The following ARHGAP15 variants were observed in gnomAD, a reference collection of about 807,000 sequenced individuals.
ARHGAP15 encodes the protein rho GTPase-activating protein 15.
A neutral mutation model predicts 63.7 loss-of-function variants in ARHGAP15; 51 were observed. The ratio of observed to expected loss-of-function variants is 0.80; its 90% CI spans 0.64 to 1.01. ARHGAP15 has a LOEUF of 1.01. Among genes scored for constraint, ARHGAP15 ranks in the 50% least tolerant of loss-of-function variants. The pLI is 0.00. For missense variants in ARHGAP15, 560 were observed against 564.6 expected, an observed-to-expected ratio of 0.99 and a Z score of 0.08; for synonymous variants, 191 against 193.8, an observed-to-expected ratio of 0.99 and a Z score of 0.12.
At chr2:143,174,856 A>G (rs562188279) in intron 2 of ARHGAP15, among the ~76,000 whole-genome samples, 4 of 152,282 alleles carry the variant, frequency 2.6e-5, no homozygotes, top group African/African-American at 7.2e-5. Context: ...TTATACAAAC[A>G]CAATGTATCC....
At chr2:143,759,317 C>T (rs1428663446) in intron 13 of ARHGAP15, among the ~76,000 whole-genome samples, 2 of 152,006 alleles carry the variant, frequency 1.3e-5, no homozygotes, top group South Asian at 2.1e-4. Context: ...ACCACGAAAG[C>T]ATATGGCACA....
At chr2:143,145,888 T>C (rs985681851) in intron 1 of ARHGAP15, among the ~76,000 whole-genome samples, 1 of 150,596 alleles carries the variant, frequency 6.6e-6, no homozygotes. Context: ...GTATAATATA[T>C]ATATAATATA....
intron 12 of ARHGAP15, among the ~76,000 whole-genome samples, chr2:143,703,200 T>C (rs1684168655): frequency 6.6e-6 from 1 of 152,180 alleles, no homozygotes; most frequent in Non-Finnish European, 1.5e-5. Flanking sequence ...AATCAGTTCA[T>C]ACACAGCCTC....
chr2:143,586,150 C>T (rs1697099023), intron 11 of ARHGAP15, among the ~76,000 whole-genome samples: 1 of 152,086 alleles, frequency 6.6e-6, no homozygotes, highest in African/African-American at 2.4e-5. Context: ...ACCACCACCC[C>T]CTTGGTTAGT....
chr2:143,325,802 T>A (rs914481547), intron 6 of ARHGAP15, among the ~76,000 whole-genome samples: 1 of 152,196 alleles, frequency 6.6e-6, no homozygotes, highest in Non-Finnish European at 1.5e-5. Context: ...ATTATTTAAA[T>A]ACTTGATTTC....
intron 6 of ARHGAP15, among the ~76,000 whole-genome samples, chr2:143,274,718 G>A (rs1300827492): frequency 2.6e-5 from 4 of 152,190 alleles, no homozygotes; most frequent in African/African-American, 9.6e-5. Flanking sequence ...TTGTAAGGTG[G>A]TCTTGGTCTT....
intron 6 of ARHGAP15, among the ~76,000 whole-genome samples, chr2:143,385,748 T>TA (rs1558936339): frequency 6.6e-6 from 1 of 152,106 alleles, no homozygotes; most frequent in East Asian, 1.9e-4. Context: ...GCCGTTTGTT[T>TA]GTATTAGATG....
intron 11 of ARHGAP15, among the ~76,000 whole-genome samples, chr2:143,576,128 T>C (rs926528562): frequency 1.3e-5 from 2 of 152,144 alleles, no homozygotes; most frequent in Non-Finnish European, 2.9e-5. Flanking sequence ...CTATCTCTTA[T>C]TTAACTACGT....
chr2:143,446,012 T>C (rs1220930020), intron 8 of ARHGAP15, among the ~76,000 whole-genome samples: 1 of 151,846 alleles, frequency 6.6e-6, no homozygotes, highest in East Asian at 1.9e-4. Flanking sequence ...AAAGGTTGTA[T>C]GAGATTGTGT....
chr2:143,145,878 G>A (rs539997139), intron 1 of ARHGAP15, among the ~76,000 whole-genome samples: 65 of 117,464 alleles, frequency 5.5e-4, no homozygotes, highest in African/African-American at 1.9e-3. Flanking sequence ...GTGTGTGTGT[G>A]TATAATATAT....
At chr2:143,485,469 CATTT>C (rs1435601604) in intron 8 of ARHGAP15, among the ~76,000 whole-genome samples, 2 of 152,048 alleles carry the variant, frequency 1.3e-5, no homozygotes. Flanking sequence ...GATATATAGA[CATTT>C]ATTTTTCTTT....
chr2:143,579,788 G>C (rs990652883), intron 11 of ARHGAP15, among the ~76,000 whole-genome samples: 3 of 151,868 alleles, frequency 2.0e-5, no homozygotes, highest in East Asian at 3.9e-4. Flanking sequence ...TTTTAAGTGG[G>C]CAAGAATTAA....
At chr2:143,364,516 A>G (rs1686210072) in intron 6 of ARHGAP15, among the ~76,000 whole-genome samples, 1 of 152,202 alleles carries the variant, frequency 6.6e-6, no homozygotes, top group African/African-American at 2.4e-5. Flanking sequence ...AATATGTGCT[A>G]GACAATTACA....
intron 13 of ARHGAP15, among the ~76,000 whole-genome samples, chr2:143,734,455 C>T (rs571440756): frequency 2.6e-5 from 4 of 152,168 alleles, no homozygotes; most frequent in African/African-American, 7.2e-5. Context: ...CCAAAACCCA[C>T]GCTAAAAATC....
intron 8 of ARHGAP15, among the ~76,000 whole-genome samples, chr2:143,443,135 G>A (rs1689965589): frequency 6.6e-6 from 1 of 152,136 alleles, no homozygotes; most frequent in African/African-American, 2.4e-5. Flanking sequence ...CACATACTGT[G>A]AAGCCTGTTC....
At chr2:143,521,745 A>G (rs1694070863) in intron 10 of ARHGAP15, among the ~76,000 whole-genome samples, 1 of 152,056 alleles carries the variant, frequency 6.6e-6, no homozygotes, top group Non-Finnish European at 1.5e-5. Context: ...TACTCACTAC[A>G]TCGGCACATT....
intron 13 of ARHGAP15, among the ~76,000 whole-genome samples, chr2:143,752,299 T>G (rs997918828): frequency 1.3e-5 from 2 of 152,226 alleles, no homozygotes; most frequent in Non-Finnish European, 2.9e-5. Context: ...ACAACTTTTC[T>G]GTAGAATATC....
intron 12 of ARHGAP15, among the ~76,000 whole-genome samples, chr2:143,695,793 G>A (rs1208622563): frequency 1.3e-5 from 2 of 151,834 alleles, no homozygotes; most frequent in Non-Finnish European, 2.9e-5. Context: ...GCTTGAACCT[G>A]GGAGGCTGCA....
At chr2:143,229,917 CTAAT>C (rs530981231) in intron 5 of ARHGAP15, among the ~76,000 whole-genome samples, 208 of 152,246 alleles carry the variant, frequency 1.4e-3, no homozygotes, top group African/African-American at 4.9e-3. Context: ...GATCTGTAAA[CTAAT>C]TATGAATAAA....
Sources: allele counts gnomAD v4.1 joint callset (sites outside exome capture counted in the v4.1 genomes callset), GRCh38; gene constraint gnomAD v4.1.1; transcripts MANE v1.5; gene names NCBI Gene and HGNC (gene_info 2026-07-23, HGNC 2026-07-21).